Variants in ZNF527 observed in about 807,000 individuals in gnomAD.
The protein encoded by ZNF527 is zinc finger protein 527.
In ZNF527, 5 loss-of-function variants were observed where a neutral mutation model predicts 13.5. That is an observed-to-expected ratio of 0.37 (90% CI 0.19 to 0.78). The LOEUF (loss-of-function observed/expected upper bound fraction) is 0.78, where lower values mean the gene tolerates loss of function less well. Among genes scored for constraint, ZNF527 ranks in the 30% least tolerant of loss-of-function variants. The pLI, the probability that ZNF527 is intolerant of heterozygous loss-of-function variation, is 0.48. For synonymous variants in ZNF527, 209 were observed against 243.1 expected, an observed-to-expected ratio of 0.86 and a Z score of 1.30; for missense variants, 628 against 726.4, an observed-to-expected ratio of 0.86 and a Z score of 1.56.
intron 2 of ZNF527, among the ~76,000 whole-genome samples, chr19:37,375,350 T>A (rs979860417): frequency 1.4e-5 from 2 of 147,712 alleles, no homozygotes; most frequent in Admixed American, 1.4e-4. Context: ...CTTTCTTTCC[T>A]TTCTTTCTTT....
intron 4 of ZNF527, among the ~76,000 whole-genome samples, chr19:37,383,394 C>T (rs1335129199): frequency 2.0e-5 from 3 of 151,928 alleles, no homozygotes; most frequent in Non-Finnish European, 4.4e-5. Flanking sequence ...CACCATCATG[C>T]CCAGATAATT....
At chr19:37,379,093 T>A (rs2040630659) in intron 2 of ZNF527, 27 bp from the exon 3 acceptor site, 2 of 1,614,002 alleles carry the variant, frequency 1.2e-6, no homozygotes, top group East Asian at 4.5e-5. Flanking sequence ...TCTGGGCACC[T>A]GGTGAACAAG....
chr19:37,379,153 T>G lies in ZNF527; in HGVS notation c.67T>G (p.Phe23Val). The G allele has an allele frequency of 6.2e-7, 1 of 1,613,908 alleles. No homozygotes were observed. The highest frequency in any genetic ancestry group is 8.5e-7 in the Non-Finnish European group (1 of 1,179,944). The change falls in exon 3 of 5, where the codon TTT becomes GTT. Residue 23 changes from phenylalanine (F) to valine (V), a missense_variant. This residue lies in a region of ZNF527 where 33 missense variants were observed against 31.2 expected (regional missense o/e 1.06). Coordinates refer to ENST00000436120, the MANE Select transcript of ZNF527 (RefSeq NM_032453.2). The part of the protein sequence containing the change: ...LVTFRDVALD[F>V]SQEEWEWLKP... ...GACCTTCAGAGATGTGGCGCTAGAC[T>G]TTTCCCAAGAAGAGTGGGAATGGCT...
intron 4 of ZNF527, among the ~76,000 whole-genome samples, chr19:37,386,181 C>T (rs1300490329): frequency 4.0e-5 from 4 of 100,160 alleles, no homozygotes; most frequent in Admixed American, 1.5e-4. Context: ...CTAGCTTTGT[C>T]ACCCAGGCTG....
In ZNF527 at chr19:37,392,023, T is replaced by C. The variant is rs1244579137; in HGVS notation, c.*2144T>C. ...GAAATATTCAACTTATACTTATTTC[T>C]AATAAAATCTGAAAATTATTTTTCA... On this transcript the variant is annotated 3_prime_UTR_variant, in exon 5 of 5. Coordinates refer to ENST00000436120, the MANE Select transcript of ZNF527 (RefSeq NM_032453.2). 6.6e-6 allele frequency: 1 copy of C among 152,238 alleles called. No individual in the cohort carries two copies. The highest frequency in any genetic ancestry group is 1.5e-5 in the Non-Finnish European group (1 of 68,044). 9.4% of individuals were successfully genotyped at this position (152,238 alleles called of 1,614,324 possible).
At chr19:37,377,200 TA>T (rs1347674247) in intron 2 of ZNF527, among the ~76,000 whole-genome samples, 1 of 152,146 alleles carries the variant, frequency 6.6e-6, no homozygotes, top group Admixed American at 6.6e-5. Flanking sequence ...AATGATCCAG[TA>T]AAGTGAGAAT....
intron 1 of ZNF527, 112 bp from the exon 2 acceptor site, chr19:37,374,046 G>T: frequency 1.4e-6 from 1 of 714,944 alleles, no homozygotes; most frequent in Non-Finnish European, 2.4e-6. Context: ...CTTGGAAAAG[G>T]TGAGGCTGGC....
In ZNF527 at chr19:37,389,258, A is replaced by C. The variant is rs2040729725; in HGVS notation, c.1209A>C (p.Gln403His). ...KAFRQSAHLN[Q>H]HQRIHTGEKP... is the part of the protein sequence containing the mutation. ...TCAGACAGAGTGCTCACCTTAATCA[A>C]CATCAGAGGATTCACACTGGAGAGA... The change falls in exon 5 of 5, where the codon CAA becomes CAC. Residue 403 changes from glutamine to histidine, a missense_variant. By Grantham distance (24) the Gln-to-His change is conservative. Coordinates refer to ENST00000436120, the MANE Select transcript of ZNF527 (RefSeq NM_032453.2). The C allele has an allele frequency of 6.2e-7, 1 of 1,614,224 alleles. No homozygotes were observed. The highest frequency in any genetic ancestry group is 1.3e-5 in the African/African-American group (1 of 75,084).
intron 2 of ZNF527, 99 bp from the exon 3 acceptor site, chr19:37,379,021 C>G: frequency 2.3e-6 from 3 of 1,325,270 alleles, no homozygotes; most frequent in Non-Finnish European, 3.2e-6. Flanking sequence ...TTATTTTCCT[C>G]GCATCACTTA....
At chr19:37,380,152 C>G in intron 3 of ZNF527, 125 bp from the exon 4 acceptor site, 8 of 1,451,228 alleles carry the variant, frequency 5.5e-6, no homozygotes, top group Non-Finnish European at 7.3e-6. Flanking sequence ...AGCTCTTCCT[C>G]TAATGTCCAT....
Position 37,389,201 on chromosome 19 carries a change from A to T in ZNF527, c.1152A>T (p.Lys384Asn). 1 of 1,614,206 alleles carries T rather than the reference A, an allele frequency of 6.2e-7. No individual in the cohort carries two copies. Among genetic ancestry groups the T allele is most frequent in the African/African-American group, 1.3e-5 (1 of 75,058 alleles). Reference protein sequence around the residue: ...VEHQRIHTGEKPYECKECNKA... With the variant: ...VEHQRIHTGENPYECKECNKA... ...ATCAGAGAATTCACACAGGTGAGAA[A>T]CCATATGAATGTAAAGAATGTAATA... Residue 384 changes from lysine (K) to asparagine (N), a missense_variant, in exon 5 of 5, where the codon AAA becomes AAT. Physicochemically the swap from Lys to Asn is moderately conservative, Grantham distance 94 (BLOSUM62 0). Coordinates refer to ENST00000436120, the MANE Select transcript of ZNF527 (RefSeq NM_032453.2).
Position 37,389,505 on chromosome 19 carries a change from A to T in ZNF527, c.1456A>T (p.Asn486Tyr), listed in dbSNP as rs1197710924. The T allele has an allele frequency of 6.2e-7, 1 of 1,614,054 alleles. No individual in the cohort carries two copies. Among genetic ancestry groups the T allele is most frequent in the African/African-American group, 1.3e-5 (1 of 74,918 alleles). ...GKFFRTDSQL[N>Y]RHHRIHTGER... The stretch of plus-strand genomic sequence containing the variant: ...GTTTTTTAGGACTGACTCACAACTT[A>T]ATCGACATCATAGAATTCACACTGG... The change falls in exon 5 of 5, where the codon AAT (asparagine) becomes TAT (tyrosine). Residue 486 changes from asparagine (N) to tyrosine (Y), a missense_variant. Coordinates refer to ENST00000436120, the MANE Select transcript of ZNF527 (RefSeq NM_032453.2).
intron 3 of ZNF527, 25 bp from the exon 4 acceptor site, chr19:37,380,252 C>T: frequency 6.2e-7 from 1 of 1,612,856 alleles, no homozygotes; most frequent in Non-Finnish European, 8.5e-7. Flanking sequence ...GTCTCTTGCT[C>T]TCATTTTTCT....
At position 37,390,672 on chromosome 19, in the gene ZNF527, T is replaced by C. The variant is rs1341616595; in HGVS notation, c.*793T>C. Reference sequence around the variant, plus strand: ...ATGGAGATGAGAGACAGAAATATGATGATACAGCTTGATCTCCTGGATCCA... The same window carrying C: ...ATGGAGATGAGAGACAGAAATATGACGATACAGCTTGATCTCCTGGATCCA... On this transcript the variant is annotated 3_prime_UTR_variant, in exon 5 of 5. Transcript: ENST00000436120. 2 of 152,208 alleles carry C rather than the reference T, an allele frequency of 1.3e-5. No individual in the cohort carries two copies. 9.4% of individuals were successfully genotyped at this position (152,208 alleles called of 1,614,324 possible).
intron 4 of ZNF527, among the ~76,000 whole-genome samples, chr19:37,387,478 T>C (rs1600271403): frequency 2.0e-5 from 3 of 152,242 alleles, no homozygotes; most frequent in African/African-American, 4.8e-5. Context: ...AGACCTTGTG[T>C]CAGGCTTTCC....
chr19:37,392,590 G>T lies in ZNF527; in HGVS notation c.*2711G>T, dbSNP rs535075719. ...TTTTTCTGTAGAGATGGGGTTTCGCGAGTTGCCCAGGCTGGTCTCCAACTC... is the reference window on the plus strand; with the variant it reads ...TTTTTCTGTAGAGATGGGGTTTCGCTAGTTGCCCAGGCTGGTCTCCAACTC... On this transcript the variant is annotated 3_prime_UTR_variant, in exon 5 of 5. Coordinates refer to ENST00000436120, the MANE Select transcript of ZNF527 (RefSeq NM_032453.2). The T allele has an allele frequency of 3.3e-5, 5 of 152,088 alleles. No homozygotes were observed. The East Asian group carries it at 7.8e-4, about 24-fold the overall frequency. The allele number at this position is 152,088 out of a possible 1,614,324, so 9.4% of individuals were successfully genotyped here.
intron 2 of ZNF527, among the ~76,000 whole-genome samples, chr19:37,377,878 G>A (rs899434456): frequency 1.8e-4 from 28 of 152,062 alleles, no homozygotes; most frequent in African/African-American, 6.8e-4. Context: ...GGACAACGGA[G>A]TTTATTGATA....
rs183307436 is a variant in ZNF527 at position 37,378,973 on chromosome 19, T to C, written c.34-147T>C. 3.6e-6 allele frequency: 3 copies of C among 835,072 alleles called. No individual in the cohort carries two copies. In the Admixed American group the frequency reaches 9.6e-5, roughly 27 times the overall value. The allele number at this position is 835,072 out of a possible 1,614,324, so 51.7% of individuals were successfully genotyped here. On this transcript the variant is annotated intron_variant, in intron 2 of 4. Coordinates refer to ENST00000436120, the MANE Select transcript of ZNF527 (RefSeq NM_032453.2). ...TTCTAATATTTCTCTTCTCTTAAAG[T>C]ATTTGACAAACCTCAGCATGTAATT...
chr19:37,379,074 A>G (rs1384284244), intron 2 of ZNF527, 46 bp from the exon 3 acceptor site: 5 of 1,613,178 alleles, frequency 3.1e-6, no homozygotes, highest in South Asian at 2.2e-5. Context: ...TGCTAGGACC[A>G]TATAGGTGTC....
Sources: allele counts gnomAD v4.1 joint callset (sites outside exome capture counted in the v4.1 genomes callset), GRCh38; gene constraint gnomAD v4.1.1; regional missense constraint gnomAD v4.1.1; transcripts MANE v1.5; gene names NCBI Gene and HGNC (gene_info 2026-07-23, HGNC 2026-07-21).